Variants in CLSTN2 observed in about 807,000 individuals in gnomAD.
CLSTN2 encodes calsyntenin 2, also known as calsyntenin-2.
In CLSTN2, 48 loss-of-function variants were observed where a neutral mutation model predicts 101.2. The ratio of observed to expected loss-of-function variants is 0.47; its 90% CI spans 0.38 to 0.60. The LOEUF (loss-of-function observed/expected upper bound fraction) is 0.60, where lower values mean the gene tolerates loss of function less well. CLSTN2 is among the 20% of genes least tolerant of loss of function. The probability of loss-of-function intolerance (pLI) is 0.00; values close to 1 mark genes in which losing one functional copy is unlikely to be tolerated. For synonymous variants in CLSTN2, 481 were observed against 463.6 expected (o/e 1.04, Z -0.48); for missense variants, 1,160 against 1,238.2 (o/e 0.94, Z 0.95).
intron 1 of CLSTN2, among the ~76,000 whole-genome samples, chr3:140,127,261 T>C (rs2009450738): frequency 6.6e-6 from 1 of 152,124 alleles, no homozygotes; most frequent in African/African-American, 2.4e-5. Context: ...CGGGGCAAAT[T>C]GCTTAACCTC....
intron 1 of CLSTN2, among the ~76,000 whole-genome samples, chr3:139,966,688 C>T (rs1935605866): frequency 6.6e-6 from 1 of 152,190 alleles, no homozygotes; most frequent in African/African-American, 2.4e-5. Flanking sequence ...TTTTGTGTCT[C>T]CTTCCCTAGA....
chr3:140,101,791 G>T (rs576712117), intron 1 of CLSTN2, among the ~76,000 whole-genome samples: 2 of 152,310 alleles, frequency 1.3e-5, no homozygotes, highest in Non-Finnish European at 2.9e-5. Flanking sequence ...CCAAAGGGAA[G>T]GGGAGGAAAC....
At chr3:140,127,298 AG>A (rs1041424065) in intron 1 of CLSTN2, among the ~76,000 whole-genome samples, 1 of 152,154 alleles carries the variant, frequency 6.6e-6, no homozygotes, top group African/African-American at 2.4e-5. Context: ...CTCACCTGTT[AG>A]ATAGCAATAA....
chr3:140,540,623 T>C (rs181311664), intron 9 of CLSTN2, among the ~76,000 whole-genome samples: 17 of 152,094 alleles, frequency 1.1e-4, no homozygotes, highest in African/African-American at 3.9e-4. Flanking sequence ...CAGAGCAGCA[T>C]CCAACCCCAG....
At chr3:140,536,056 T>A (rs1361437520) in intron 9 of CLSTN2, among the ~76,000 whole-genome samples, 1 of 152,048 alleles carries the variant, frequency 6.6e-6, no homozygotes, top group Non-Finnish European at 1.5e-5. Flanking sequence ...CCCTTACTAA[T>A]CTTTTATTAT....
At chr3:140,440,506 GT>G (rs1317087958) in intron 5 of CLSTN2, among the ~76,000 whole-genome samples, 3 of 152,194 alleles carry the variant, frequency 2.0e-5, no homozygotes, top group Non-Finnish European at 4.4e-5. Context: ...AAAAAGCCAT[GT>G]AATTTAATGC....
intron 2 of CLSTN2, among the ~76,000 whole-genome samples, chr3:140,356,556 G>A (rs944631812): frequency 6.6e-5 from 10 of 151,984 alleles, no homozygotes; most frequent in African/African-American, 2.2e-4. Flanking sequence ...TCAGGAGTTC[G>A]AGAACAGCCT....
intron 1 of CLSTN2, among the ~76,000 whole-genome samples, chr3:140,117,431 G>T (rs1490914209): frequency 6.6e-6 from 1 of 152,128 alleles, no homozygotes; most frequent in African/African-American, 2.4e-5. Flanking sequence ...AGAGCTAACA[G>T]TACCTCCCAC....
At chr3:140,388,598 C>G (rs1005963244) in intron 2 of CLSTN2, among the ~76,000 whole-genome samples, 8 of 152,298 alleles carry the variant, frequency 5.3e-5, no homozygotes, top group African/African-American at 1.9e-4. Flanking sequence ...GCAGGGAGAC[C>G]TGAATTCAAA....
intron 2 of CLSTN2, among the ~76,000 whole-genome samples, chr3:140,215,565 A>T (rs1256720449): frequency 6.6e-6 from 1 of 152,192 alleles, no homozygotes; most frequent in Non-Finnish European, 1.5e-5. Flanking sequence ...ATCTTGGAGA[A>T]ACCTGAGACT....
At chr3:140,384,409 C>T (rs759167553) in intron 2 of CLSTN2, among the ~76,000 whole-genome samples, 2 of 152,196 alleles carry the variant, frequency 1.3e-5, no homozygotes, top group African/African-American at 2.4e-5. Flanking sequence ...ACTTCCCCTC[C>T]GAGTTTGATT....
chr3:140,457,637 G>A (rs979772878), intron 6 of CLSTN2, among the ~76,000 whole-genome samples: 1 of 152,224 alleles, frequency 6.6e-6, no homozygotes, highest in Non-Finnish European at 1.5e-5. Context: ...TTAGCAGCAG[G>A]GGGTGAGAAC....
intron 2 of CLSTN2, among the ~76,000 whole-genome samples, chr3:140,319,402 A>G (rs963563079): frequency 1.3e-5 from 2 of 152,216 alleles, no homozygotes; most frequent in East Asian, 3.8e-4. Flanking sequence ...CTTGCCCAGC[A>G]TGATAGAACA....
chr3:140,543,566 T>C (rs1217302869), intron 9 of CLSTN2, among the ~76,000 whole-genome samples: 1 of 152,124 alleles, frequency 6.6e-6, no homozygotes, highest in Admixed American at 6.5e-5. Flanking sequence ...GCTGAGAACG[T>C]CCCAAGGCAG....
intron 1 of CLSTN2, among the ~76,000 whole-genome samples, chr3:139,947,050 G>A (rs1935226456): frequency 6.6e-6 from 1 of 152,156 alleles, no homozygotes; most frequent in Non-Finnish European, 1.5e-5. Flanking sequence ...CTCTCCTAGG[G>A]GCAGTGTCAC....
intron 8 of CLSTN2, among the ~76,000 whole-genome samples, chr3:140,491,016 G>A (rs1007356645): frequency 3.9e-5 from 6 of 152,132 alleles, no homozygotes; most frequent in Admixed American, 1.3e-4. Flanking sequence ...ATTTTAGCAC[G>A]GTGTCAACCC....
chr3:140,245,147 A>AC (rs2086504826), intron 2 of CLSTN2, among the ~76,000 whole-genome samples: 1 of 152,150 alleles, frequency 6.6e-6, no homozygotes. Context: ...CACGTGTTCC[A>AC]GGGCTGGCAA....
chr3:140,379,983 C>T (rs138888927), intron 2 of CLSTN2, among the ~76,000 whole-genome samples: 1 of 152,086 alleles, frequency 6.6e-6, no homozygotes, highest in Non-Finnish European at 1.5e-5. Flanking sequence ...ATCTACTGAG[C>T]ATAAAAATTG....
At position 140,462,647 on chromosome 3, in the gene CLSTN2, G is replaced by C. The variant is rs551815971; in HGVS notation, c.1222+2878G>C. ...GCAAAGGCTAACTGCAAAAAAGAGA[G>C]AGAGTACCACTAACACCACTACTTC... On this transcript the variant is annotated intron_variant, in intron 7 of 16. Coordinates refer to ENST00000458420, the MANE Select transcript of CLSTN2 (RefSeq NM_022131.3). 6 of 152,286 alleles carry C rather than the reference G, an allele frequency of 3.9e-5. 1 individual carries two copies. The East Asian group carries it at 1.2e-3, about 29-fold the overall frequency. 9.4% of individuals were successfully genotyped at this position (152,286 alleles called of 1,614,324 possible). A position where few individuals can be genotyped will look rare whatever the true frequency, so the allele number is the denominator to read the frequency against.
Sources: allele counts gnomAD v4.1 joint callset (sites outside exome capture counted in the v4.1 genomes callset), GRCh38; gene constraint gnomAD v4.1.1; transcripts MANE v1.5; gene names NCBI Gene and HGNC (gene_info 2026-07-23, HGNC 2026-07-21).